Variants in LIPI observed in about 807,000 individuals in gnomAD.
LIPI encodes the protein lipase I, also known as lipase member I.
Under a neutral mutation model 50.6 loss-of-function variants are expected in LIPI, and 59 were observed. That is an observed-to-expected ratio of 1.16 (90% confidence interval 0.94 to 1.45). LIPI has a LOEUF of 1.45. Ranked by LOEUF, LIPI falls within the 40% of genes most tolerant of loss-of-function variation. The pLI is 0.00. For synonymous variants in LIPI, 203 were observed against 178.2 expected, an observed-to-expected ratio of 1.14 and a Z score of -1.11; for missense variants, 586 against 536.3, an observed-to-expected ratio of 1.09 and a Z score of -0.92.
At chr21:14,180,394 G>A (rs565080511) in intron 4 of LIPI, among the ~76,000 whole-genome samples, 24 of 152,212 alleles carry the variant, frequency 1.6e-4, no homozygotes, top group African/African-American at 3.6e-4. Context: ...AGACTCAAGC[G>A]GGCATTGTGG....
chr21:14,147,370 T>C (rs2017944439), intron 8 of LIPI, among the ~76,000 whole-genome samples: 2 of 152,180 alleles, frequency 1.3e-5, no homozygotes, highest in African/African-American at 4.8e-5. Flanking sequence ...ACTATCCTTA[T>C]ATGTCTCATT....
chr21:14,131,397 C>T (rs980472200), intron 9 of LIPI, among the ~76,000 whole-genome samples: 1 of 152,138 alleles, frequency 6.6e-6, no homozygotes, highest in African/African-American at 2.4e-5. Context: ...AAAACTTTGC[C>T]ACAACATCAA....
At chr21:14,152,480 A>G (rs899422054) in intron 8 of LIPI, 93 bp downstream of exon 8, 3 of 669,900 alleles carry the variant, frequency 4.5e-6, no homozygotes, top group African/African-American at 1.8e-5. Flanking sequence ...AGATTAAAAA[A>G]TAAACTACAC....
intron 9 of LIPI, among the ~76,000 whole-genome samples, chr21:14,111,718 T>G (rs1415931302): frequency 6.6e-6 from 1 of 152,144 alleles, no homozygotes; most frequent in Non-Finnish European, 1.5e-5. Context: ...AGTTTATAGT[T>G]TCAAGCCTTA....
At chr21:14,193,672 A>T (rs2019751913) in intron 1 of LIPI, among the ~76,000 whole-genome samples, 1 of 152,192 alleles carries the variant, frequency 6.6e-6, no homozygotes. Context: ...AACAGTAAAA[A>T]TTCTTAGAAG....
intron 9 of LIPI, among the ~76,000 whole-genome samples, chr21:14,115,651 AAGG>A (rs2016600725): frequency 6.6e-6 from 1 of 151,718 alleles, no homozygotes; most frequent in African/African-American, 2.4e-5. Flanking sequence ...CACAGCCCAG[AAGG>A]AGAACGGTTT....
Position 14,152,594 on chromosome 21 carries a change from A to T in LIPI, c.1097T>A (p.Ile366Asn). The change falls in exon 8 of 10, where the codon ATT becomes AAT. Residue 366 changes from isoleucine to asparagine, a missense_variant. Transcript: ENST00000681601. ...SFKLLNQLGM[I>N]EEPRLYEKNK... ...TTACTCATAAAGCCTTGGCTCTTCA[A>T]TCATTCCAAGCTGATTTAATAATTT... is the stretch of plus-strand genomic sequence containing the variant. 1.3e-6 allele frequency: 2 copies of T among 1,575,756 alleles called. No homozygotes were observed. Among genetic ancestry groups the T allele is most frequent in the Non-Finnish European group, 1.7e-6 (2 of 1,146,932 alleles).
chr21:14,169,731 T>C (rs1568864484), intron 4 of LIPI, among the ~76,000 whole-genome samples: 1 of 152,196 alleles, frequency 6.6e-6, no homozygotes, highest in Non-Finnish European at 1.5e-5. Context: ...GAGGGAAATT[T>C]GTAGCACTAA....
chr21:14,183,011 C>T (rs1024469821), intron 3 of LIPI, among the ~76,000 whole-genome samples: 103 of 151,432 alleles, frequency 6.8e-4, no homozygotes, highest in African/African-American at 2.3e-3. Context: ...GAGCCCGCAT[C>T]GCCAAGTCAA....
At chr21:14,131,562 A>T (rs2017295588) in intron 9 of LIPI, among the ~76,000 whole-genome samples, 1 of 152,140 alleles carries the variant, frequency 6.6e-6, no homozygotes, top group Admixed American at 6.5e-5. Context: ...TTAGGAAAAA[A>T]TTCTCCCCTA....
At chr21:14,170,613 C>A (rs1298120349) in intron 4 of LIPI, among the ~76,000 whole-genome samples, 1 of 152,172 alleles carries the variant, frequency 6.6e-6, no homozygotes, top group East Asian at 1.9e-4. Context: ...AAGACAAAAA[C>A]CACATGATTA....
chr21:14,126,349 A>G (rs1200462245), intron 9 of LIPI, among the ~76,000 whole-genome samples: 1 of 152,236 alleles, frequency 6.6e-6, no homozygotes, highest in Non-Finnish European at 1.5e-5. Flanking sequence ...TATCTATACA[A>G]TAGAATACTA....
At chr21:14,170,416 G>T (rs1415725596) in intron 4 of LIPI, among the ~76,000 whole-genome samples, 1 of 152,092 alleles carries the variant, frequency 6.6e-6, no homozygotes, top group Non-Finnish European at 1.5e-5. Context: ...AACAAAAAAA[G>T]AGAATTTTAG....
chr21:14,123,404 A>T (rs1182862244), intron 9 of LIPI, among the ~76,000 whole-genome samples: 1 of 152,170 alleles, frequency 6.6e-6, no homozygotes, highest in Admixed American at 6.5e-5. Flanking sequence ...ACTATATTGG[A>T]TCTGTAAGAC....
chr21:14,159,442 C>A (rs1339524504), intron 7 of LIPI, among the ~76,000 whole-genome samples: 1 of 151,164 alleles, frequency 6.6e-6, no homozygotes, highest in Non-Finnish European at 1.5e-5. Context: ...ATGGCAAAAT[C>A]CAACACATAT....
At chr21:14,175,678 T>A (rs914403075) in intron 4 of LIPI, among the ~76,000 whole-genome samples, 1 of 152,218 alleles carries the variant, frequency 6.6e-6, no homozygotes, top group African/African-American at 2.4e-5. Context: ...TTCACATGTA[T>A]GCATACCACA....
chr21:14,129,798 G>T (rs1464551903), intron 9 of LIPI, among the ~76,000 whole-genome samples: 13 of 101,690 alleles, frequency 1.3e-4, no homozygotes, highest in East Asian at 4.6e-4. Flanking sequence ...GACTCTAATT[G>T]TTTTTTTTTT....
At chr21:14,144,466 T>C (rs2017827628) in intron 9 of LIPI, 157 bp downstream of exon 9, 1 of 464,756 alleles carries the variant, frequency 2.2e-6, no homozygotes, top group East Asian at 3.2e-5. Context: ...AAAAAAACCT[T>C]TATACCTTTT....
chr21:14,177,620 T>C (rs2019140697), intron 4 of LIPI, among the ~76,000 whole-genome samples: 1 of 152,134 alleles, frequency 6.6e-6, no homozygotes, highest in African/African-American at 2.4e-5. Context: ...ACTATACTTA[T>C]GAATATCAAT....
Sources: gnomAD v4.1 joint callset for allele counts (sites outside exome capture counted in the v4.1 genomes callset) on GRCh38, gnomAD v4.1.1 for gene constraint, MANE v1.5 for transcripts, NCBI Gene and HGNC (gene_info 2026-07-23, HGNC 2026-07-21) for gene names.